CCND2: variants seen among roughly 807,000 people sequenced by gnomAD.
The protein encoded by CCND2 is G1/S-specific cyclin-D2.
Under a neutral mutation model 30.2 loss-of-function variants are expected in CCND2, and 6 were observed. The ratio of observed to expected loss-of-function variants is 0.20; its 90% CI spans 0.11 to 0.39. The LOEUF is 0.39. CCND2 is among the 10% of genes least tolerant of loss of function. The pLI, the probability that CCND2 is intolerant of heterozygous loss-of-function variation, is 1.00. For missense variants in CCND2, 235 were observed against 373.4 expected (o/e 0.63, Z 3.06); for synonymous variants, 150 against 153.1 (o/e 0.98, Z 0.15).
rs962878570 is a variant in CCND2 at position 4,301,352 on chromosome 12, C to T, written c.*1343C>T. ...GGGTGTGGCATTTTGTTCCCTTTTC[C>T]GTTTTTTTTTTTTTATTGTTGTTGT... On this transcript the variant is annotated 3_prime_UTR_variant, in exon 5 of 5. Coordinates refer to ENST00000261254, the MANE Select transcript of CCND2 (RefSeq NM_001759.4). The T allele has an allele frequency of 1.1e-4, 11 of 99,138 alleles. No homozygotes were observed. The highest frequency in any genetic ancestry group is 2.7e-4 in the African/African-American group (4 of 14,990). The allele number at this position is 99,138 out of a possible 1,614,324, so 6.1% of individuals were successfully genotyped here.
chr12:4,285,347 C>T lies in CCND2; in HGVS notation c.572-3495C>T. 1 of 985,422 alleles carries T rather than the reference C, an allele frequency of 1.0e-6. No individual in the cohort carries two copies. 61.0% of individuals were successfully genotyped at this position (985,422 alleles called of 1,614,324 possible). ...CAATTAACGATGGCGAGGGCACACC[C>T]TCACCCCTGAGCGTGCCTTCTGCAC... On this transcript the variant is annotated intron_variant, in intron 3 of 4. Coordinates refer to ENST00000261254, the MANE Select transcript of CCND2 (RefSeq NM_001759.4). This position sits in a 1 kb window ranked among gnomAD's most constrained non-coding sequence, Gnocchi z 4.1.
rs1387519024 is a variant in CCND2 at position 4,304,327 on chromosome 12, A to G, written c.*4318A>G. On this transcript the variant is annotated 3_prime_UTR_variant, in exon 5 of 5. Coordinates refer to ENST00000261254, the MANE Select transcript of CCND2 (RefSeq NM_001759.4). The surrounding 1 kb of genome is among the most constrained non-coding windows in gnomAD (Gnocchi z 6.2). Reference sequence around the variant, plus strand: ...TTATCTCTGAGACAGTCCAACCTTGAGAATAGCTTTAAAAGGGAAATTAAT... The same window carrying G: ...TTATCTCTGAGACAGTCCAACCTTGGGAATAGCTTTAAAAGGGAAATTAAT... The G allele has an allele frequency of 4.3e-6, 1 of 233,548 alleles. No homozygotes were observed. The highest frequency in any genetic ancestry group is 8.5e-6 in the Non-Finnish European group (1 of 118,028). 14.5% of individuals were successfully genotyped at this position (233,548 alleles called of 1,614,324 possible).
Position 4,299,762 on chromosome 12 carries a change from C to A in CCND2, c.721-98C>A. The A allele has an allele frequency of 8.3e-7, 1 of 1,199,586 alleles. No individual in the cohort carries two copies. The highest frequency in any genetic ancestry group is 1.2e-6 in the Non-Finnish European group (1 of 850,330). 74.3% of individuals were successfully genotyped at this position (1,199,586 alleles called of 1,614,324 possible). A position where few individuals can be genotyped will look rare whatever the true frequency, so the allele number is the denominator to read the frequency against. On this transcript the variant is annotated intron_variant, in intron 4 of 4. Transcript: ENST00000261254. This position sits in a 1 kb window ranked among gnomAD's most constrained non-coding sequence, Gnocchi z 5.2. ...CACATTTATTTCTACTGGAAACTAG[C>A]ACAGACTTATGCAAGCTAAATTACG...
chr12:4,299,921 A>T lies in CCND2; in HGVS notation c.782A>T (p.Tyr261Phe). The T allele has an allele frequency of 6.2e-7, 1 of 1,614,180 alleles. No homozygotes were observed. Among genetic ancestry groups the T allele is most frequent in the Non-Finnish European group, 8.5e-7 (1 of 1,180,002 alleles). ...EAVLLNSLQQ[Y>F]RQDQRDGSKS... is the part of the protein sequence containing the mutation. ...GTGCTCCTCAATAGCCTGCAGCAGT[A>T]CCGTCAGGACCAACGTGACGGATCC... is the stretch of plus-strand genomic sequence containing the variant. The change falls in exon 5 of 5, where the codon TAC becomes TTC. Residue 261 changes from tyrosine to phenylalanine, a missense_variant. By Grantham distance (22) the Tyr-to-Phe change is conservative (BLOSUM62 3). Transcript: ENST00000261254. This position sits in a 1 kb window ranked among gnomAD's most constrained non-coding sequence, Gnocchi z 5.2.
At chr12:4,286,445 G>T (rs913622700) in intron 3 of CCND2, among the ~76,000 whole-genome samples, 1 of 152,354 alleles carries the variant, frequency 6.6e-6, no homozygotes, top group Non-Finnish European at 1.5e-5. Context: ...TGGAGGAGAG[G>T]TGGGGCATGC....
rs1343282901 is a variant in CCND2 at position 4,301,916 on chromosome 12, GT to G, written c.*1918del. The G allele has an allele frequency of 3.8e-3, 685 of 181,748 alleles. No individual in the cohort carries two copies. Among genetic ancestry groups the G allele is most frequent in the Middle Eastern group, 0.012 (7 of 586 alleles). 11.3% of individuals were successfully genotyped at this position (181,748 alleles called of 1,614,324 possible). ...TTCTTCTGGTAGCATATTCATGGTT[GT>G]TTTTTTTTTTCTTTTTTGGTTTTTT... On this transcript the variant is annotated 3_prime_UTR_variant, in exon 5 of 5. Transcript: ENST00000261254.
At chr12:4,283,133 C>G (rs1468705681) in intron 3 of CCND2, among the ~76,000 whole-genome samples, 1 of 152,226 alleles carries the variant, frequency 6.6e-6, no homozygotes, top group Non-Finnish European at 1.5e-5. Flanking sequence ...GCTCTGAACT[C>G]TTTATTTGGT....
At chr12:4,275,689 AAGG>A (rs1863862433) in intron 1 of CCND2, among the ~76,000 whole-genome samples, 1 of 150,474 alleles carries the variant, frequency 6.6e-6, no homozygotes, top group African/African-American at 2.5e-5. Flanking sequence ...AGAGTGCGCG[AAGG>A]AGTAGCCAAA....
Position 4,276,567 on chromosome 12 carries a change from C to A in CCND2, c.411+347C>A, listed in dbSNP as rs958072592. ...ACAGTGATAATATTTTAATTAAATTCCAAATTTCCAAAAATAGTCTGAGAA... is the reference window on the plus strand; with the variant it reads ...ACAGTGATAATATTTTAATTAAATTACAAATTTCCAAAAATAGTCTGAGAA... On this transcript the variant is annotated intron_variant, in intron 2 of 4. Transcript: ENST00000261254. The surrounding 1 kb of genome is among the most constrained non-coding windows in gnomAD (Gnocchi z 4.8). 3.9e-5 allele frequency among the ~76,000 whole-genome samples: 6 copies of A among 152,052 alleles called. No homozygotes were observed. Among genetic ancestry groups the A allele is most frequent in the Admixed American group, 3.3e-4 (5 of 15,274 alleles).
intron 3 of CCND2, among the ~76,000 whole-genome samples, chr12:4,288,361 T>G (rs1011529761): frequency 1.3e-5 from 2 of 152,048 alleles, no homozygotes; most frequent in African/African-American, 2.4e-5. Context: ...CTCCTTGTAC[T>G]TTCCCTCCTT....
intron 2 of CCND2, 155 bp from the exon 3 acceptor site, chr12:4,278,605 A>G: frequency 1.7e-6 from 1 of 589,648 alleles, no homozygotes; most frequent in Non-Finnish European, 3.0e-6. Flanking sequence ...TCAAAGCTTC[A>G]GGGGCACATT....
At position 4,281,213 on chromosome 12, in the gene CCND2, G is replaced by A. The variant is rs771781048; in HGVS notation, c.571+2294G>A. ...AGGTCCTCGGCAGTTTCCTGGGTCT[G>A]GAAAGGAGGGGCCTGTATCGAAAGA... On this transcript the variant is annotated intron_variant, in intron 3 of 4. Transcript: ENST00000261254. Among the ~76,000 whole-genome samples, 87 of 152,230 alleles carry A rather than the reference G, an allele frequency of 5.7e-4. 1 individual carries two copies. The highest frequency in any genetic ancestry group is 1.5e-4 in the Non-Finnish European group (10 of 68,042).
Position 4,282,119 on chromosome 12 carries a change from G to C in CCND2, c.571+3200G>C, listed in dbSNP as rs1428170195. On this transcript the variant is annotated intron_variant, in intron 3 of 4. Transcript: ENST00000261254. This position sits in a 1 kb window ranked among gnomAD's most constrained non-coding sequence, Gnocchi z 4.3. ...AAAGAAGGCCATTGGAGATGACCTG[G>C]GTTCGCACTCTGGCACTGGGAGATT... is the stretch of plus-strand genomic sequence containing the variant. 6.6e-6 allele frequency among the ~76,000 whole-genome samples: 1 copy of C among 152,156 alleles called. No individual in the cohort carries two copies. Among genetic ancestry groups the C allele is most frequent in the East Asian group, 1.9e-4 (1 of 5,190 alleles).
At chr12:4,284,817 C>T (rs1254081688) in intron 3 of CCND2, among the ~76,000 whole-genome samples, 1 of 149,218 alleles carries the variant, frequency 6.7e-6, no homozygotes, top group African/African-American at 2.5e-5. Flanking sequence ...CTCACTGCAA[C>T]CTCCAACTCC....
chr12:4,274,170 T>A lies in CCND2; in HGVS notation c.130T>A (p.Phe44Ile). 1 of 1,614,086 alleles carries A rather than the reference T, an allele frequency of 6.2e-7. No individual in the cohort carries two copies. Among genetic ancestry groups the A allele is most frequent in the Non-Finnish European group, 8.5e-7 (1 of 1,179,972 alleles). ...EERYLPQCSYFKCVQKDIQPY... is the reference protein window; with the variant it reads ...EERYLPQCSYIKCVQKDIQPY... Reference sequence around the variant, plus strand: ...GCGCTACCTTCCGCAGTGCTCCTACTTCAAGTGCGTGCAGAAGGACATCCA... The same window carrying A: ...GCGCTACCTTCCGCAGTGCTCCTACATCAAGTGCGTGCAGAAGGACATCCA... Residue 44 changes from phenylalanine (F) to isoleucine (I), a missense_variant, in exon 1 of 5, where the codon TTC (phenylalanine) becomes ATC (isoleucine). Physicochemically the swap from Phe to Ile is conservative, Grantham distance 21. Around this residue, in one of 2 missense-constraint regions of CCND2, gnomAD observed 178 missense variants for 322.8 expected, o/e 0.55. Transcript: ENST00000261254. This position sits in a 1 kb window ranked among gnomAD's most constrained non-coding sequence, Gnocchi z 7.7.
chr12:4,290,302 T>C (rs1006224013), intron 4 of CCND2, among the ~76,000 whole-genome samples: 6 of 152,192 alleles, frequency 3.9e-5, no homozygotes, highest in African/African-American at 1.4e-4. Context: ...TTCGTAGATA[T>C]GGTTTTAAAA....
intron 4 of CCND2, among the ~76,000 whole-genome samples, chr12:4,296,251 C>T (rs539243654): frequency 6.6e-5 from 10 of 152,266 alleles, no homozygotes; most frequent in African/African-American, 2.2e-4. Flanking sequence ...CATATTATTG[C>T]GGTAAAAGAT....
At position 4,287,624 on chromosome 12, in the gene CCND2, C is replaced by G. The variant is rs531547914; in HGVS notation, c.572-1218C>G. On this transcript the variant is annotated intron_variant, in intron 3 of 4. Coordinates refer to ENST00000261254, the MANE Select transcript of CCND2 (RefSeq NM_001759.4). This position sits in a 1 kb window ranked among gnomAD's most constrained non-coding sequence, Gnocchi z 4.0. ...CCACCCTAATATCTGTCAACACGAG[C>G]AGGGGCAACTTAAACTCTCAAAAGT... Among the ~76,000 whole-genome samples, 27 of 152,210 alleles carry G rather than the reference C, an allele frequency of 1.8e-4. No individual in the cohort carries two copies. Among genetic ancestry groups the G allele is most frequent in the Non-Finnish European group, 3.2e-4 (22 of 68,030 alleles).
chr12:4,288,701 G>A (rs1444657246), intron 3 of CCND2, 141 bp from the exon 4 acceptor site: 4 of 697,932 alleles, frequency 5.7e-6, no homozygotes, highest in South Asian at 1.9e-5. Flanking sequence ...GAAAGAACTC[G>A]AGGGAGGACA....
Sources: allele counts gnomAD v4.1 joint callset (sites outside exome capture counted in the v4.1 genomes callset), GRCh38; gene constraint gnomAD v4.1.1; regional missense constraint gnomAD v4.1.1; non-coding constraint Gnocchi (gnomAD v3.1); transcripts MANE v1.5; gene names NCBI Gene and HGNC (gene_info 2026-07-23, HGNC 2026-07-21).